The following HS6ST3 variants were observed in gnomAD, a reference collection of about 807,000 sequenced individuals.
HS6ST3 encodes the protein heparan sulfate 6-O-sulfotransferase 3.
HS6ST3 carries 12 observed loss-of-function variants against 36.7 expected under a neutral mutation model. The observed-to-expected ratio is 0.33, with a 90% confidence interval of 0.21 to 0.53. HS6ST3 has a LOEUF of 0.53. Among genes scored for constraint, HS6ST3 ranks in the 20% least tolerant of loss-of-function variants. The probability of loss-of-function intolerance (pLI) is 0.95; values close to 1 mark genes in which losing one functional copy is unlikely to be tolerated. For synonymous variants in HS6ST3, 240 were observed against 257.5 expected, an observed-to-expected ratio of 0.93 and a Z score of 0.65; for missense variants, 584 against 640.9, an observed-to-expected ratio of 0.91 and a Z score of 0.96.
chr13:96,378,481 C>G (rs140827367), intron 1 of HS6ST3, among the ~76,000 whole-genome samples: 1 of 152,180 alleles, frequency 6.6e-6, no homozygotes, highest in East Asian at 1.9e-4. Context: ...ACTGTTCTAC[C>G]TGGTGACTTC....
At chr13:96,427,018 A>G (rs2055590542) in intron 1 of HS6ST3, among the ~76,000 whole-genome samples, 1 of 152,216 alleles carries the variant, frequency 6.6e-6, no homozygotes, top group Non-Finnish European at 1.5e-5. Context: ...TAATTACAGC[A>G]GAATTGGGGG....
chr13:96,446,162 G>A (rs2139482984), intron 1 of HS6ST3, among the ~76,000 whole-genome samples: 1 of 146,734 alleles, frequency 6.8e-6, no homozygotes, highest in African/African-American at 2.5e-5. Flanking sequence ...GACAGAGCAA[G>A]ACTCCATCTC....
At position 96,574,486 on chromosome 13, in the gene HS6ST3, C is replaced by T. The variant is rs540807681; in HGVS notation, c.708-258004C>T. On this transcript the variant is annotated intron_variant, in intron 1 of 1. Coordinates refer to ENST00000376705, the MANE Select transcript of HS6ST3 (RefSeq NM_153456.4). ...AGAACCATACTCTTCATGCCCCGCCCCCTACAATCATTACTCCTGACACAT... is the reference window on the plus strand; with the variant it reads ...AGAACCATACTCTTCATGCCCCGCCTCCTACAATCATTACTCCTGACACAT... The T allele has an allele frequency of 2.3e-5, 10 of 429,764 alleles. No individual in the cohort carries two copies. The South Asian group carries it at 2.6e-4, about 11-fold the overall frequency. The allele number at this position is 429,764 out of a possible 1,614,324, so 26.6% of individuals were successfully genotyped here. A position where few individuals can be genotyped will look rare whatever the true frequency, so the allele number is the denominator to read the frequency against.
At chr13:96,708,302 CATGAG>C (rs1035624238) in intron 1 of HS6ST3, among the ~76,000 whole-genome samples, 8 of 152,170 alleles carry the variant, frequency 5.3e-5, no homozygotes, top group African/African-American at 1.7e-4. Flanking sequence ...TTCTGAAAAA[CATGAG>C]ATCATATGAA....
intron 1 of HS6ST3, among the ~76,000 whole-genome samples, chr13:96,555,015 G>A (rs567259385): frequency 5.3e-5 from 8 of 152,186 alleles, no homozygotes; most frequent in African/African-American, 1.4e-4. Context: ...AGGAGGTTGA[G>A]GCTGCAGTGA....
At chr13:96,324,887 C>T (rs9516662) in intron 1 of HS6ST3, among the ~76,000 whole-genome samples, 44,124 of 152,126 alleles carry the variant, frequency 0.29, 7,890 homozygotes, top group Non-Finnish European at 0.39. Context: ...AACTGTGAGA[C>T]AATCCATCTA....
At chr13:96,440,234 G>A (rs1294287804) in intron 1 of HS6ST3, among the ~76,000 whole-genome samples, 2 of 152,084 alleles carry the variant, frequency 1.3e-5, no homozygotes, top group Non-Finnish European at 2.9e-5. Context: ...ATCACTTGAG[G>A]TCAGGAGTTC....
In HS6ST3 at chr13:96,496,970, T is replaced by G. The variant is rs143461131; in HGVS notation, c.708-335520T>G. Among the ~76,000 whole-genome samples, 261 of 152,096 alleles carry G rather than the reference T, an allele frequency of 1.7e-3. 1 individual carries two copies. The highest frequency in any genetic ancestry group is 3.1e-3 in the Non-Finnish European group (210 of 67,968). On this transcript the variant is annotated intron_variant, in intron 1 of 1. Coordinates refer to ENST00000376705, the MANE Select transcript of HS6ST3 (RefSeq NM_153456.4). Reference sequence around the variant, plus strand: ...TGTGTGCTGCCCCGGTGGTGGTGCTTAAGGGTGCATAATTTGGACTTAACC... The same window carrying G: ...TGTGTGCTGCCCCGGTGGTGGTGCTGAAGGGTGCATAATTTGGACTTAACC...
At chr13:96,461,199 T>C (rs1243329477) in intron 1 of HS6ST3, among the ~76,000 whole-genome samples, 23 of 152,226 alleles carry the variant, frequency 1.5e-4, no homozygotes, top group Admixed American at 1.4e-3. Context: ...TGTGTATTTA[T>C]TTACTCATTT....
chr13:96,219,366 C>T (rs988664534), intron 1 of HS6ST3, among the ~76,000 whole-genome samples: 1 of 152,138 alleles, frequency 6.6e-6, no homozygotes, highest in East Asian at 1.9e-4. Flanking sequence ...TATTTGCTTT[C>T]ACCTTCTGCC....
chr13:96,159,514 G>A (rs1376518475), intron 1 of HS6ST3, among the ~76,000 whole-genome samples: 1 of 152,102 alleles, frequency 6.6e-6, no homozygotes, highest in Non-Finnish European at 1.5e-5. Flanking sequence ...TTTCCAATGT[G>A]TTTCTCATAT....
intron 1 of HS6ST3, among the ~76,000 whole-genome samples, chr13:96,494,105 T>C (rs954786204): frequency 1.3e-5 from 2 of 152,146 alleles, no homozygotes; most frequent in African/African-American, 2.4e-5. Context: ...ATGTACCTTT[T>C]GGCTGCATAA....
At chr13:96,596,242 C>G (rs181393148) in intron 1 of HS6ST3, among the ~76,000 whole-genome samples, 1 of 152,248 alleles carries the variant, frequency 6.6e-6, no homozygotes, top group Admixed American at 6.5e-5. Flanking sequence ...ATAATGGCCT[C>G]CAGCTCCATC....
intron 1 of HS6ST3, among the ~76,000 whole-genome samples, chr13:96,262,414 C>T (rs979016126): frequency 3.4e-4 from 52 of 152,058 alleles, no homozygotes; most frequent in African/African-American, 1.1e-3. Flanking sequence ...TCTTCTGTGA[C>T]GTATGTGTCT....
chr13:96,450,784 A>G (rs1419030681), intron 1 of HS6ST3, among the ~76,000 whole-genome samples: 9 of 152,208 alleles, frequency 5.9e-5, no homozygotes, highest in Admixed American at 5.9e-4. Context: ...CCAAAAGTGC[A>G]GTTGTAGCCT....
chr13:96,408,761 A>G (rs758643575), intron 1 of HS6ST3, among the ~76,000 whole-genome samples: 3 of 151,996 alleles, frequency 2.0e-5, no homozygotes, highest in Non-Finnish European at 2.9e-5. Flanking sequence ...CCGTCTTACT[A>G]AAAATACAAA....
At chr13:96,400,308 TACACACACAC>T (rs10603063) in intron 1 of HS6ST3, among the ~76,000 whole-genome samples, 54 of 142,568 alleles carry the variant, frequency 3.8e-4, no homozygotes, top group African/African-American at 1.2e-3. Flanking sequence ...GACACACAGA[TACACACACAC>T]ACACACACAC....
chr13:96,202,644 T>A (rs558247033), intron 1 of HS6ST3, among the ~76,000 whole-genome samples: 1 of 152,308 alleles, frequency 6.6e-6, no homozygotes, highest in Non-Finnish European at 1.5e-5. Context: ...TGATTTATGT[T>A]CGTTTCTCTC....
At chr13:96,516,663 G>C (rs781054566) in intron 1 of HS6ST3, among the ~76,000 whole-genome samples, 1 of 151,944 alleles carries the variant, frequency 6.6e-6, no homozygotes, top group Non-Finnish European at 1.5e-5. Flanking sequence ...TATTGGTTCA[G>C]AGTGATCATT....
Sources: gnomAD v4.1 joint callset for allele counts (sites outside exome capture counted in the v4.1 genomes callset) on GRCh38, gnomAD v4.1.1 for gene constraint, MANE v1.5 for transcripts, NCBI Gene and HGNC (gene_info 2026-07-23, HGNC 2026-07-21) for gene names.